DSCAML1: variants seen among roughly 807,000 people sequenced by gnomAD.
DSCAML1 encodes cell adhesion molecule DSCAML1.
DSCAML1 carries 38 observed loss-of-function variants against 200.5 expected under a neutral mutation model. The observed-to-expected ratio is 0.19, with a 90% CI of 0.15 to 0.25. The LOEUF (loss-of-function observed/expected upper bound fraction) is 0.25. Among genes scored for constraint, DSCAML1 ranks in the 10% least tolerant of loss-of-function variants. DSCAML1 has a pLI of 1.00. For missense variants in DSCAML1, 2,223 were observed against 2,858.8 expected (o/e 0.78, Z 5.07); for synonymous variants, 1,215 against 1,165.0 (o/e 1.04, Z -0.87).
chr11:117,723,803 C>T (rs1001348520), intron 3 of DSCAML1, among the ~76,000 whole-genome samples: 2 of 152,202 alleles, frequency 1.3e-5, no homozygotes, highest in African/African-American at 2.4e-5. Flanking sequence ...TCATCTGCAG[C>T]GTCTCCTCCC....
chr11:117,565,049 G>A (rs2050732243), intron 3 of DSCAML1, among the ~76,000 whole-genome samples: 2 of 152,190 alleles, frequency 1.3e-5, no homozygotes, highest in African/African-American at 4.8e-5. Context: ...TAACAGGCAT[G>A]AGCCACTGTG....
At chr11:117,559,138 C>G (rs76815060) in intron 3 of DSCAML1, among the ~76,000 whole-genome samples, 1,539 of 137,474 alleles carry the variant, frequency 0.011, 31 homozygotes, top group African/African-American at 0.046. Flanking sequence ...AAAACAGACA[C>G]AAAGAAAGAA....
intron 3 of DSCAML1, among the ~76,000 whole-genome samples, chr11:117,635,278 C>A (rs1222527554): frequency 1.3e-5 from 2 of 152,172 alleles, no homozygotes; most frequent in Non-Finnish European, 2.9e-5. Context: ...CAGCTCTACT[C>A]GCCCATTCTT....
chr11:117,789,578 G>T (rs1353400803), intron 1 of DSCAML1, among the ~76,000 whole-genome samples: 1 of 152,144 alleles, frequency 6.6e-6, no homozygotes, highest in Admixed American at 6.5e-5. Context: ...CAGAAAACTA[G>T]CCATTGTGGA....
chr11:117,691,522 C>T (rs1053046538), intron 3 of DSCAML1, among the ~76,000 whole-genome samples: 16 of 152,316 alleles, frequency 1.1e-4, no homozygotes, highest in Middle Eastern at 6.8e-3. Flanking sequence ...AATTTCTCTT[C>T]CCCATTATGG....
chr11:117,692,202 G>A (rs1402804099), intron 3 of DSCAML1, among the ~76,000 whole-genome samples: 1 of 151,966 alleles, frequency 6.6e-6, no homozygotes, highest in Non-Finnish European at 1.5e-5. Flanking sequence ...TTGCCTCCCT[G>A]CTGCTTGGCC....
chr11:117,632,641 C>G (rs2052199375), intron 3 of DSCAML1, among the ~76,000 whole-genome samples: 1 of 152,078 alleles, frequency 6.6e-6, no homozygotes, highest in Non-Finnish European at 1.5e-5. Flanking sequence ...ATGGCATGGC[C>G]CTGATATTTG....
intron 3 of DSCAML1, among the ~76,000 whole-genome samples, chr11:117,629,578 G>A (rs187281952): frequency 3.0e-4 from 45 of 150,352 alleles, no homozygotes; most frequent in Admixed American, 2.6e-3. Flanking sequence ...AACAGAAACT[G>A]CAAGTGGCAG....
chr11:117,772,704 G>A (rs780176232), intron 3 of DSCAML1, among the ~76,000 whole-genome samples: 3 of 152,204 alleles, frequency 2.0e-5, no homozygotes, highest in Non-Finnish European at 4.4e-5. Context: ...GTATTGTAAT[G>A]GTGATCATGC....
intron 1 of DSCAML1, among the ~76,000 whole-genome samples, chr11:117,793,400 ACT>A (rs1194413015): frequency 6.6e-6 from 1 of 150,928 alleles, no homozygotes; most frequent in Non-Finnish European, 1.5e-5. Context: ...CTGCAGAAAA[ACT>A]CTCTGAGCAT....
chr11:117,811,640 C>A (rs1311009165), intron 1 of DSCAML1, among the ~76,000 whole-genome samples: 10 of 152,234 alleles, frequency 6.6e-5, no homozygotes, highest in Non-Finnish European at 1.3e-4. Context: ...CGCGGGACCC[C>A]ACTGGAAATC....
chr11:117,765,531 T>C (rs1328010155), intron 3 of DSCAML1, among the ~76,000 whole-genome samples: 2 of 152,164 alleles, frequency 1.3e-5, no homozygotes, highest in South Asian at 2.1e-4. Context: ...ATCACACCTA[T>C]GTTCTCATTC....
At position 117,521,293 on chromosome 11, in the gene DSCAML1, G is replaced by A. The variant is rs766447082; in HGVS notation, c.1050C>T (p.Arg350=). The change falls in exon 6 of 33, where the codon CGC becomes CGT. Residue 350 remains arginine, a synonymous_variant. Coordinates refer to ENST00000651296, the MANE Select transcript of DSCAML1 (RefSeq NM_020693.4). ...GSPEFTIRWY[R]NTELVLPDEA... is the part of the protein sequence containing the mutation. ...CGTCAGGCAGCACCAGCTCCGTGTT[G>A]CGATACCAGCGGATGGTGAACTCTG... is the stretch of plus-strand genomic sequence containing the variant. The A allele has an allele frequency of 6.2e-7, 1 of 1,614,096 alleles. No individual in the cohort carries two copies.
intron 3 of DSCAML1, among the ~76,000 whole-genome samples, chr11:117,721,800 C>CAT (rs368884149): frequency 7.3e-4 from 89 of 121,586 alleles, no homozygotes; most frequent in African/African-American, 3.1e-3. Flanking sequence ...ATGATATGTA[C>CAT]ATATATATAT....
At chr11:117,616,335 T>C (rs1192248404) in intron 3 of DSCAML1, among the ~76,000 whole-genome samples, 1 of 152,168 alleles carries the variant, frequency 6.6e-6, no homozygotes, top group Non-Finnish European at 1.5e-5. Context: ...AGGGTAGCCA[T>C]AGTGTGTGGT....
upstream of DSCAML1, among the ~76,000 whole-genome samples, chr11:117,798,535 A>C (rs1371389816): frequency 2.0e-5 from 3 of 152,192 alleles, no homozygotes; most frequent in East Asian, 5.8e-4. Flanking sequence ...ACGATGTGCA[A>C]CCATCATCAC....
At chr11:117,563,250 G>A (rs522742) in intron 3 of DSCAML1, among the ~76,000 whole-genome samples, 26,348 of 152,100 alleles carry the variant, frequency 0.17, 2,519 homozygotes, top group South Asian at 0.31. Flanking sequence ...CAGCAAAGAC[G>A]GGATAAAGGA....
intron 3 of DSCAML1, among the ~76,000 whole-genome samples, chr11:117,751,380 G>A (rs1015338594): frequency 2.0e-5 from 3 of 149,784 alleles, no homozygotes; most frequent in Admixed American, 6.6e-5. Flanking sequence ...AAGGCGATAC[G>A]CTCACACCTT....
intron 3 of DSCAML1, among the ~76,000 whole-genome samples, chr11:117,701,270 T>TAAAG (rs549287888): frequency 9.4e-6 from 1 of 105,920 alleles, no homozygotes; most frequent in Non-Finnish European, 2.0e-5. Flanking sequence ...CATCTCAAAA[T>TAAAG]AAATAAATAA....
Sources: gnomAD v4.1 joint callset for allele counts (sites outside exome capture counted in the v4.1 genomes callset) on GRCh38, gnomAD v4.1.1 for gene constraint, MANE v1.5 for transcripts, NCBI Gene and HGNC (gene_info 2026-07-23, HGNC 2026-07-21) for gene names.